The following DPH7 variants were observed in gnomAD, a reference collection of about 807,000 sequenced individuals.
DPH7 encodes the protein diphthine methyltransferase.
A neutral mutation model predicts 41.7 loss-of-function variants in DPH7; 44 were observed. The ratio of observed to expected loss-of-function variants is 1.05; its 90% CI spans 0.83 to 1.36. The LOEUF (loss-of-function observed/expected upper bound fraction) is 1.36. Among genes scored for constraint, DPH7 ranks in the 40% most tolerant of loss-of-function variants. The probability of loss-of-function intolerance (pLI) is 0.00; values close to 1 mark genes in which losing one functional copy is unlikely to be tolerated. For missense variants in DPH7, 629 were observed against 577.5 expected (o/e 1.09, Z -0.91); for synonymous variants, 275 against 238.0 (o/e 1.16, Z -1.43).
intron 4 of DPH7, 148 bp downstream of exon 4, chr9:137,574,604 T>G: frequency 1.1e-6 from 1 of 893,650 alleles, no homozygotes; most frequent in Non-Finnish European, 1.7e-6. Context: ...ATGGGGGACC[T>G]TTTTTTCATA....
chr9:137,561,721 TGATAA>T (rs1367810498), intron 8 of DPH7, among the ~76,000 whole-genome samples: 1 of 152,100 alleles, frequency 6.6e-6, no homozygotes, highest in East Asian at 1.9e-4. Flanking sequence ...CACTTTATAT[TGATAA>T]AAGGGTCAGC....
rs1837601425 is a variant in DPH7 at position 137,556,885 on chromosome 9, G to A, written c.950-1237C>T. 2 of 456,684 alleles carry A rather than the reference G, an allele frequency of 4.4e-6. No individual in the cohort carries two copies. The highest frequency in any genetic ancestry group is 8.8e-6 in the Non-Finnish European group (2 of 226,962). The allele number at this position is 456,684 out of a possible 1,614,324, so 28.3% of individuals were successfully genotyped here. A position where few individuals can be genotyped will look rare whatever the true frequency, so the allele number is the denominator to read the frequency against. ...ACAGCCTGGGAAAAAGACAGCGAAT[G>A]AGTGGACGGAAGACACTGTTGCGAC... On this transcript the variant is annotated intron_variant, in intron 8 of 8. Transcript: ENST00000277540. The surrounding 1 kb of genome is among the most constrained non-coding windows in gnomAD (Gnocchi z 5.2).
chr9:137,575,100 T>TC (rs1841148865), intron 3 of DPH7: 3 of 1,241,522 alleles, frequency 2.4e-6, no homozygotes, highest in Non-Finnish European at 3.0e-6. Flanking sequence ...GGGCATGGTC[T>TC]CCCTCCCTTT....
At chr9:137,563,531 CA>C (rs3041762) in intron 8 of DPH7, among the ~76,000 whole-genome samples, 119 of 85,218 alleles carry the variant, frequency 1.4e-3, no homozygotes, top group Admixed American at 2.8e-3. Context: ...GACTCCGTCT[CA>C]AAAAAAAAAA....
intron 5 of DPH7, among the ~76,000 whole-genome samples, chr9:137,573,735 C>T (rs552820052): frequency 7.5e-6 from 1 of 133,776 alleles, no homozygotes; most frequent in South Asian, 2.5e-4. Context: ...TGAGCGCCAA[C>T]TATAGCCTTT....
rs767560328 is a variant in DPH7 at position 137,564,602 on chromosome 9, C to A, written c.781G>T (p.Asp261Tyr). 6.2e-7 allele frequency: 1 copy of A among 1,610,214 alleles called. No homozygotes were observed. Among genetic ancestry groups the A allele is most frequent in the Non-Finnish European group, 8.5e-7 (1 of 1,176,852 alleles). The change falls in exon 8 of 9, where the codon GAT (aspartate) becomes TAT (tyrosine). Residue 261 changes from aspartate to tyrosine, a missense_variant. Transcript: ENST00000277540. The part of the protein sequence containing the change: ...REHILATGSY[D>Y]EHILLWDTRN... ...GTGTCCCACAGTAGGATGTGTTCAT[C>A]ATAGCTGAAACCGACCAACCACAGG...
At position 137,556,791 on chromosome 9, in the gene DPH7, C is replaced by T. The variant is rs933766950; in HGVS notation, c.950-1143G>A. On this transcript the variant is annotated intron_variant, in intron 8 of 8. Transcript: ENST00000277540. This position sits in a 1 kb window ranked among gnomAD's most constrained non-coding sequence, Gnocchi z 5.2. Reference sequence around the variant, plus strand: ...CCAGCAATCGCTCAACACGTCCACTCGGGCCAGCAGGACCTCTTCTACAGC... The same window carrying T: ...CCAGCAATCGCTCAACACGTCCACTTGGGCCAGCAGGACCTCTTCTACAGC... The T allele has an allele frequency of 5.3e-5, 24 of 456,072 alleles. No homozygotes were observed. The East Asian group carries it at 1.2e-3, about 22-fold the overall frequency. 28.3% of individuals were successfully genotyped at this position (456,072 alleles called of 1,614,324 possible).
intron 3 of DPH7, 118 bp downstream of exon 3, chr9:137,575,962 T>A (rs1841308592): frequency 6.5e-7 from 1 of 1,546,690 alleles, no homozygotes; most frequent in South Asian, 1.2e-5. Flanking sequence ...AACGTTTATA[T>A]ATAGCTCACC....
At chr9:137,575,911 G>A in intron 3 of DPH7, 169 bp downstream of exon 3, 1 of 1,419,842 alleles carries the variant, frequency 7.0e-7, no homozygotes. Context: ...GTTGGATGTA[G>A]AACGCAATAC....
chr9:137,570,043 ACCAT>A (rs900736254), intron 5 of DPH7, among the ~76,000 whole-genome samples: 4 of 145,640 alleles, frequency 2.7e-5, no homozygotes, highest in African/African-American at 1.0e-4. Context: ...CCAAAAATCC[ACCAT>A]CCATCCACCA....
Position 137,564,429 on chromosome 9 carries a change from C to T in DPH7, c.949+5G>A. 1 of 1,609,756 alleles carries T rather than the reference C, an allele frequency of 6.2e-7. No individual in the cohort carries two copies. Among genetic ancestry groups the T allele is most frequent in the African/African-American group, 1.3e-5 (1 of 74,988 alleles). On this transcript the variant is annotated splice_donor_5th_base_variant and intron_variant, in intron 8 of 8. Coordinates refer to ENST00000277540, the MANE Select transcript of DPH7 (RefSeq NM_138778.5). ...GAGGCCCAGCAGCCACGGGTCCCCACTCACCCATTGCCTTTTGGCAGTTGA... is the reference window on the plus strand; with the variant it reads ...GAGGCCCAGCAGCCACGGGTCCCCATTCACCCATTGCCTTTTGGCAGTTGA...
rs1837249215 is a variant in DPH7, at chr9:137,555,235, A to G, written c.*4T>C. ...TTGTGGGAAGGGGCTTCATGATTTC[A>G]AGCTCAGTTCCCCTCCCACTCCCAG... On this transcript the variant is annotated 3_prime_UTR_variant, in exon 9 of 9. Transcript: ENST00000277540. 1.9e-6 allele frequency: 3 copies of G among 1,580,324 alleles called. No individual in the cohort carries two copies. The highest frequency in any genetic ancestry group is 2.6e-6 in the Non-Finnish European group (3 of 1,160,756).
At chr9:137,576,229 TC>T (rs1841366654) in intron 2 of DPH7, 62 bp from the exon 3 acceptor site, 2 of 1,460,200 alleles carry the variant, frequency 1.4e-6, no homozygotes, top group African/African-American at 2.8e-5. Flanking sequence ...GCACTGTGCG[TC>T]CCGGTAACCA....
chr9:137,569,983 T>C (rs947662297), intron 5 of DPH7, among the ~76,000 whole-genome samples: 1 of 137,020 alleles, frequency 7.3e-6, no homozygotes, highest in Non-Finnish European at 1.5e-5. Context: ...TCATCCACCA[T>C]CCATCCATCC....
chr9:137,577,371 G>A, intron 2 of DPH7, 99 bp downstream of exon 2: 1 of 1,227,730 alleles, frequency 8.1e-7, no homozygotes, highest in Non-Finnish European at 1.2e-6. Context: ...ATCCAAAGTT[G>A]AGATGCAATG....
rs183517919 is a variant in DPH7 at position 137,556,285 on chromosome 9, G to A, written c.950-637C>T. 2.0e-5 allele frequency among the ~76,000 whole-genome samples: 3 copies of A among 152,340 alleles called. No homozygotes were observed. Among genetic ancestry groups the A allele is most frequent in the Non-Finnish European group, 4.4e-5 (3 of 68,032 alleles). On this transcript the variant is annotated intron_variant, in intron 8 of 8. Transcript: ENST00000277540. The surrounding 1 kb of genome is among the most constrained non-coding windows in gnomAD (Gnocchi z 5.2). ...CACACAGCAACAGAGGGAATGACGA[G>A]GCGTGGCCAAACCCGAGGCGATCTG...
chr9:137,574,533 G>A, intron 4 of DPH7, 153 bp from the exon 5 acceptor site: 2 of 877,572 alleles, frequency 2.3e-6, no homozygotes, highest in Non-Finnish European at 3.5e-6. Flanking sequence ...CCACTGCTAA[G>A]CTTGTCAAAG....
chr9:137,574,692 G>A (rs1841076493), intron 4 of DPH7, 60 bp downstream of exon 4: 1 of 1,547,220 alleles, frequency 6.5e-7, no homozygotes, highest in South Asian at 1.1e-5. Context: ...CCTCTAGCCT[G>A]AAAAGTGGAA....
At position 137,556,546 on chromosome 9, in the gene DPH7, G is replaced by T. The variant is rs1837533500; in HGVS notation, c.950-898C>A. On this transcript the variant is annotated intron_variant, in intron 8 of 8. Transcript: ENST00000277540. This position sits in a 1 kb window ranked among gnomAD's most constrained non-coding sequence, Gnocchi z 5.2. ...CTGGATTACAAAACGTGCCGAGGTT[G>T]TATGGGCCTGGGCCGGGGAGGCCCA... 1 of 297,358 alleles carries T rather than the reference G, an allele frequency of 3.4e-6. No individual in the cohort carries two copies. Among genetic ancestry groups the T allele is most frequent in the Admixed American group, 4.4e-5 (1 of 22,598 alleles). 18.4% of individuals were successfully genotyped at this position (297,358 alleles called of 1,614,324 possible).
Sources: allele counts gnomAD v4.1 joint callset (sites outside exome capture counted in the v4.1 genomes callset), GRCh38; gene constraint gnomAD v4.1.1; non-coding constraint Gnocchi (gnomAD v3.1); transcripts MANE v1.5; gene names NCBI Gene and HGNC (gene_info 2026-07-23, HGNC 2026-07-21).